The following DYNC1I1 variants were observed in gnomAD, a reference collection of about 807,000 sequenced individuals.
DYNC1I1 encodes the protein cytoplasmic dynein 1 intermediate chain 1.
In DYNC1I1, 43 loss-of-function variants were observed where a neutral mutation model predicts 86.6. That is an observed-to-expected ratio of 0.50 (90% CI 0.39 to 0.64). The LOEUF (loss-of-function observed/expected upper bound fraction) is 0.64. DYNC1I1 is among the 30% of genes least tolerant of loss of function. The pLI is 0.00. For missense variants in DYNC1I1, 604 were observed against 788.8 expected (o/e 0.77, Z 2.81); for synonymous variants, 262 against 283.7 (o/e 0.92, Z 0.77).
chr7:95,945,583 A>G (rs1255607282), intron 6 of DYNC1I1, among the ~76,000 whole-genome samples: 1 of 152,208 alleles, frequency 6.6e-6, no homozygotes, highest in Admixed American at 6.5e-5. Flanking sequence ...GTTTATAAAA[A>G]AAAGTGCTCT....
chr7:96,106,541 A>C (rs1262458181), intron 16 of DYNC1I1, among the ~76,000 whole-genome samples: 1 of 152,204 alleles, frequency 6.6e-6, no homozygotes, highest in Non-Finnish European at 1.5e-5. Flanking sequence ...GTCTCAAAAA[A>C]AAGAAAAAAA....
chr7:95,983,153 CCTAAGT>C (rs1309647262), intron 7 of DYNC1I1, among the ~76,000 whole-genome samples: 1 of 152,126 alleles, frequency 6.6e-6, no homozygotes, highest in Non-Finnish European at 1.5e-5. Context: ...CACTACCTAG[CCTAAGT>C]CTGAGTGTGC....
rs773203319 is a variant in DYNC1I1, at chr7:95,987,134, T to C, written c.822T>C (p.Thr274=). The change falls in exon 9 of 17, where the codon ACT becomes ACC. Residue 274 remains threonine, a synonymous_variant. Transcript: ENST00000447467. ...ATTGGTCCAAGCATCGAGTGGTCAC[T>C]TGTATGGACTGGTCCCTCCAGGTAA... ...DEHWSKHRVV[T]CMDWSLQYPE... 1 of 1,613,996 alleles carries C rather than the reference T, an allele frequency of 6.2e-7. No individual in the cohort carries two copies. The highest frequency in any genetic ancestry group is 2.2e-5 in the East Asian group (1 of 44,862).
At chr7:95,892,021 G>A (rs1790752773) in intron 6 of DYNC1I1, among the ~76,000 whole-genome samples, 2 of 152,252 alleles carry the variant, frequency 1.3e-5, no homozygotes, top group South Asian at 4.1e-4. Flanking sequence ...AGGCTGGAGT[G>A]CAGTAGCATC....
chr7:96,013,816 A>G (rs138851795), intron 10 of DYNC1I1, among the ~76,000 whole-genome samples: 437 of 152,292 alleles, frequency 2.9e-3, no homozygotes, highest in African/African-American at 9.9e-3. Context: ...ACAAAGAACA[A>G]CACAGAGAGA....
intron 1 of DYNC1I1, among the ~76,000 whole-genome samples, chr7:95,781,532 G>GT (rs58406196): frequency 0.052 from 7,898 of 152,174 alleles, 658 homozygotes; most frequent in African/African-American, 0.18. Flanking sequence ...CCTTTCCCTG[G>GT]TATAGTCTGC....
intron 1 of DYNC1I1, among the ~76,000 whole-genome samples, chr7:95,776,179 C>A (rs1477470057): frequency 1.3e-5 from 2 of 152,114 alleles, no homozygotes; most frequent in Admixed American, 1.3e-4. Context: ...GGCGACAGAG[C>A]AAGGCCCTGT....
chr7:96,069,048 A>AT (rs1258122051), intron 14 of DYNC1I1, among the ~76,000 whole-genome samples: 4 of 152,154 alleles, frequency 2.6e-5, no homozygotes, highest in Admixed American at 1.3e-4. Context: ...ATACAACCAC[A>AT]TATCTAGCTG....
intron 6 of DYNC1I1, among the ~76,000 whole-genome samples, chr7:95,892,997 T>C (rs981725573): frequency 6.6e-6 from 1 of 152,234 alleles, no homozygotes; most frequent in African/African-American, 2.4e-5. Context: ...TGCCATAAAC[T>C]CTTTCCTCGT....
intron 16 of DYNC1I1, among the ~76,000 whole-genome samples, chr7:96,087,777 C>T (rs1790726183): frequency 6.6e-6 from 1 of 152,178 alleles, no homozygotes; most frequent in Non-Finnish European, 1.5e-5. Context: ...TTTAGTGTTA[C>T]AGCCCCAATG....
At chr7:95,911,578 A>G (rs543082176) in intron 6 of DYNC1I1, among the ~76,000 whole-genome samples, 1 of 152,324 alleles carries the variant, frequency 6.6e-6, no homozygotes, top group Non-Finnish European at 1.5e-5. Context: ...GCTTACATTT[A>G]GGAAATAGTT....
intron 15 of DYNC1I1, among the ~76,000 whole-genome samples, chr7:96,076,793 T>A (rs12537990): frequency 0.52 from 78,321 of 152,018 alleles, 20,546 homozygotes; most frequent in South Asian, 0.6. Context: ...AGTATTTTTT[T>A]AAAAATAGAT....
chr7:95,885,481 A>AT (rs1790570081), intron 6 of DYNC1I1, among the ~76,000 whole-genome samples: 2 of 150,032 alleles, frequency 1.3e-5, no homozygotes, highest in Non-Finnish European at 1.5e-5. Flanking sequence ...CCTGCCCTTC[A>AT]TTTTTTTCTT....
intron 16 of DYNC1I1, among the ~76,000 whole-genome samples, chr7:96,088,452 A>T (rs1321114715): frequency 2.0e-5 from 3 of 152,168 alleles, no homozygotes; most frequent in Non-Finnish European, 4.4e-5. Context: ...TCAAACTGTC[A>T]TCTTCAATGG....
chr7:96,061,653 GTCTC>G (rs35374035), intron 14 of DYNC1I1, among the ~76,000 whole-genome samples: 32 of 146,536 alleles, frequency 2.2e-4, no homozygotes, highest in East Asian at 2.0e-4. Flanking sequence ...TGGAAAAAGA[GTCTC>G]TCTCTCTCTT....
chr7:95,903,080 G>A (rs1463512358), intron 6 of DYNC1I1, among the ~76,000 whole-genome samples: 2 of 152,142 alleles, frequency 1.3e-5, no homozygotes, highest in South Asian at 2.1e-4. Context: ...CTCATCTGGA[G>A]TGCAAAATAT....
At chr7:96,081,023 T>C (rs898665212) in intron 16 of DYNC1I1, among the ~76,000 whole-genome samples, 3 of 143,536 alleles carry the variant, frequency 2.1e-5, no homozygotes, top group South Asian at 4.4e-4. Context: ...TGAGCCGAGA[T>C]TGCACCACTG....
chr7:95,812,014 G>C (rs1794841483), intron 3 of DYNC1I1, among the ~76,000 whole-genome samples: 1 of 152,088 alleles, frequency 6.6e-6, no homozygotes. Context: ...TTGCATTACT[G>C]CCAACGGACT....
chr7:96,068,727 A>G (rs1257638710), intron 14 of DYNC1I1, among the ~76,000 whole-genome samples: 1 of 152,202 alleles, frequency 6.6e-6, no homozygotes, highest in Non-Finnish European at 1.5e-5. Flanking sequence ...AGGGGGAATC[A>G]AAGTGTAATC....
Sources: allele counts gnomAD v4.1 joint callset (sites outside exome capture counted in the v4.1 genomes callset), GRCh38; gene constraint gnomAD v4.1.1; transcripts MANE v1.5; gene names NCBI Gene and HGNC (gene_info 2026-07-23, HGNC 2026-07-21).